The following COL14A1 variants were observed in gnomAD, a reference collection of about 807,000 sequenced individuals.
COL14A1 encodes collagen alpha-1(XIV) chain.
COL14A1 carries 136 observed loss-of-function variants against 230.3 expected under a neutral mutation model. The ratio of observed to expected loss-of-function variants is 0.59; its 90% CI spans 0.51 to 0.68. The LOEUF is 0.68. Ranked by LOEUF, COL14A1 falls within the 30% of genes least tolerant of loss-of-function variation. COL14A1 has a pLI of 0.00. For synonymous variants in COL14A1, 792 were observed against 784.1 expected (o/e 1.01, Z -0.17); for missense variants, 1,976 against 2,215.8 (o/e 0.89, Z 2.17).
intron 40 of COL14A1, among the ~76,000 whole-genome samples, chr8:120,323,207 G>A (rs1434595998): frequency 6.6e-6 from 1 of 151,934 alleles, no homozygotes; most frequent in Non-Finnish European, 1.5e-5. Context: ...TTGGCTGCGT[G>A]CATGTCTTCT....
At chr8:120,148,884 C>T (rs1216268770) in intron 2 of COL14A1, among the ~76,000 whole-genome samples, 1 of 152,172 alleles carries the variant, frequency 6.6e-6, no homozygotes, top group Non-Finnish European at 1.5e-5. Flanking sequence ...TGAAAAACTA[C>T]CTGTGGGCCA....
chr8:120,338,521 T>A (rs968841326), intron 42 of COL14A1, among the ~76,000 whole-genome samples: 2 of 152,216 alleles, frequency 1.3e-5, no homozygotes, highest in Admixed American at 6.5e-5. Flanking sequence ...AGGGTTGTTA[T>A]AAAGAATAAA....
intron 1 of COL14A1, among the ~76,000 whole-genome samples, chr8:120,132,330 C>T (rs1031106705): frequency 5.3e-5 from 8 of 152,134 alleles, no homozygotes; most frequent in African/African-American, 9.7e-5. Context: ...TTCCCCATTG[C>T]TTGTTTTTGT....
intron 1 of COL14A1, among the ~76,000 whole-genome samples, chr8:120,130,839 C>G (rs977009479): frequency 6.6e-6 from 1 of 152,086 alleles, no homozygotes; most frequent in Non-Finnish European, 1.5e-5. Context: ...AGCATAGTAC[C>G]CAAAAGGTAG....
At chr8:120,157,333 A>C (rs757613998) in intron 2 of COL14A1, among the ~76,000 whole-genome samples, 1 of 152,198 alleles carries the variant, frequency 6.6e-6, no homozygotes, top group Non-Finnish European at 1.5e-5. Context: ...TTTTTAAATG[A>C]ATATCTTATT....
chr8:120,164,038 A>G (rs1815780530), intron 4 of COL14A1, among the ~76,000 whole-genome samples: 1 of 152,216 alleles, frequency 6.6e-6, no homozygotes, highest in South Asian at 2.1e-4. Flanking sequence ...GAATGCAAAC[A>G]GAAGAGACCT....
In COL14A1 at chr8:120,189,731, G is replaced by A. The variant is rs556686328; in HGVS notation, c.437-7060G>A. ...TTCCCACCTATGAGTGAGAACATGC[G>A]GTGTTTGGTTTTTTGTCCTTGCGAT... On this transcript the variant is annotated intron_variant, in intron 5 of 47. Coordinates refer to ENST00000297848, the MANE Select transcript of COL14A1 (RefSeq NM_021110.4). Among the ~76,000 whole-genome samples, 11 of 127,210 alleles carry A rather than the reference G, an allele frequency of 8.6e-5. No individual in the cohort carries two copies. The East Asian group carries it at 1.8e-3, about 21-fold the overall frequency. The allele number at this position is 127,210 out of a possible 152,430, so 83.5% of individuals were successfully genotyped here. A position where few individuals can be genotyped will look rare whatever the true frequency, so the allele number is the denominator to read the frequency against.
chr8:120,349,562 C>A (rs970735169), intron 45 of COL14A1, among the ~76,000 whole-genome samples: 1 of 134,588 alleles, frequency 7.4e-6, no homozygotes, highest in African/African-American at 3.1e-5. Flanking sequence ...GAGCTGAAAA[C>A]CAAGGCTCGA....
At chr8:120,174,007 T>G (rs1290821153) in intron 5 of COL14A1, among the ~76,000 whole-genome samples, 1 of 152,214 alleles carries the variant, frequency 6.6e-6, no homozygotes, top group Non-Finnish European at 1.5e-5. Flanking sequence ...CTTATTTATT[T>G]TAATACAGTT....
chr8:120,278,680 A>G, intron 28 of COL14A1, 102 bp downstream of exon 28: 1 of 1,209,146 alleles, frequency 8.3e-7, no homozygotes, highest in Non-Finnish European at 1.1e-6. Flanking sequence ...AATGTTTTAA[A>G]ATATTTCTTC....
intron 1 of COL14A1, among the ~76,000 whole-genome samples, chr8:120,137,250 C>G (rs1814745703): frequency 6.6e-6 from 1 of 151,954 alleles, no homozygotes; most frequent in Non-Finnish European, 1.5e-5. Flanking sequence ...GGATTATTGG[C>G]AAAAAGTTAT....
At chr8:120,308,743 G>C (rs529205613) in intron 36 of COL14A1, among the ~76,000 whole-genome samples, 1 of 152,282 alleles carries the variant, frequency 6.6e-6, no homozygotes, top group African/African-American at 2.4e-5. Flanking sequence ...ATCCCTTTTA[G>C]TAATCCTGGA....
At chr8:120,341,486 C>T (rs957063472) in intron 43 of COL14A1, 126 bp downstream of exon 43, 6 of 1,049,578 alleles carry the variant, frequency 5.7e-6, no homozygotes, top group East Asian at 2.6e-5. Context: ...CTCTGTTTCT[C>T]CCTTTCCCCA....
At chr8:120,210,181 TA>T (rs1315698789) in intron 12 of COL14A1, among the ~76,000 whole-genome samples, 1 of 152,212 alleles carries the variant, frequency 6.6e-6, no homozygotes, top group Non-Finnish European at 1.5e-5. Context: ...AAGAACATTT[TA>T]CAAAGTCATT....
chr8:120,322,009 AT>A (rs931244630), intron 40 of COL14A1, among the ~76,000 whole-genome samples: 11 of 150,878 alleles, frequency 7.3e-5, no homozygotes, highest in Admixed American at 1.3e-4. Flanking sequence ...TATTGCTGGC[AT>A]TTTTTTTTGT....
intron 45 of COL14A1, among the ~76,000 whole-genome samples, chr8:120,361,779 A>G (rs1185893939): frequency 6.6e-6 from 1 of 152,178 alleles, no homozygotes; most frequent in East Asian, 1.9e-4. Context: ...CACAAACAGC[A>G]GAGACTCCAG....
rs993823 is a variant in COL14A1 at position 120,255,378 on chromosome 8, C to T, written c.2869+22C>T. 1,050,243 of 1,538,366 alleles carry T rather than the reference C, an allele frequency of 0.68. 362,249 individuals are homozygous for T. The highest frequency in any genetic ancestry group is 0.86 in the African/African-American group (63,344 of 73,524). On this transcript the variant is annotated intron_variant, in intron 23 of 47. Coordinates refer to ENST00000297848, the MANE Select transcript of COL14A1 (RefSeq NM_021110.4). ...CAGGGTGAGTACAATCCATCACTTA[C>T]GTTTTTGTCAAGCATTTGTGTATTT...
Position 120,207,066 on chromosome 8 carries a change from A to T in COL14A1, c.1163A>T (p.Tyr388Phe). The change falls in exon 10 of 48, where the codon TAT becomes TTT. Residue 388 changes from tyrosine (Y) to phenylalanine (F), a missense_variant. Around this residue, in one of 3 missense-constraint regions of COL14A1, gnomAD observed 1,791 missense variants for 2,019.5 expected, o/e 0.89. Coordinates refer to ENST00000297848, the MANE Select transcript of COL14A1 (RefSeq NM_021110.4). Reference sequence around the variant, plus strand: ...GTGGAAAAATACAGAGTTGTGTATTATCCTACCAGGGGTGGAAAACCAGAC... The same window carrying T: ...GTGGAAAAATACAGAGTTGTGTATTTTCCTACCAGGGGTGGAAAACCAGAC... ...GNVEKYRVVY[Y>F]PTRGGKPDEV... 1 of 1,612,926 alleles carries T rather than the reference A, an allele frequency of 6.2e-7. No individual in the cohort carries two copies. Among genetic ancestry groups the T allele is most frequent in the Non-Finnish European group, 8.5e-7 (1 of 1,179,630 alleles).
At chr8:120,206,855 A>C in intron 9 of COL14A1, 88 bp from the exon 10 acceptor site, 3 of 1,271,420 alleles carry the variant, frequency 2.4e-6, no homozygotes, top group Non-Finnish European at 3.2e-6. Context: ...GCATAAAATC[A>C]ATATTTATTT....
Sources: allele counts gnomAD v4.1 joint callset (sites outside exome capture counted in the v4.1 genomes callset), GRCh38; gene constraint gnomAD v4.1.1; regional missense constraint gnomAD v4.1.1; transcripts MANE v1.5; gene names NCBI Gene and HGNC (gene_info 2026-07-23, HGNC 2026-07-21).